Variants in AFG2A observed in about 807,000 individuals in gnomAD.
AFG2A encodes the protein ATPase family gene 2 protein homolog A.
At chr4:123,034,366 T>C in the AFG2A span, among the ~76,000 whole-genome samples, 1 of 152,006 alleles carries the variant, frequency 6.6e-6, no homozygotes, top group Non-Finnish European at 1.5e-5. Flanking sequence ...TCCTGAGTGC[T>C]CATAACCCCT....
the AFG2A span, among the ~76,000 whole-genome samples, chr4:122,992,490 A>G: frequency 6.6e-6 from 1 of 152,246 alleles, no homozygotes; most frequent in African/African-American, 2.4e-5. Flanking sequence ...TACATCTACA[A>G]AAATTTCTCC....
chr4:122,946,897 A>G, the AFG2A span, among the ~76,000 whole-genome samples: 2 of 152,106 alleles, frequency 1.3e-5, no homozygotes, highest in Admixed American at 1.3e-4. Context: ...TATATGGTAC[A>G]TATTATATAT....
chr4:123,316,110 C>CAGA, the AFG2A span: 5 of 152,094 alleles, frequency 3.3e-5, no homozygotes, highest in Non-Finnish European at 5.9e-5. Context: ...AGTCACATCT[C>CAGA]AAATATTTAA....
the AFG2A span, among the ~76,000 whole-genome samples, chr4:123,095,803 T>C: frequency 6.6e-6 from 1 of 152,164 alleles, no homozygotes; most frequent in South Asian, 2.1e-4. Flanking sequence ...TTAAATTAGC[T>C]AGCATATTTT....
the AFG2A span, among the ~76,000 whole-genome samples, chr4:123,091,838 C>T: frequency 3.9e-5 from 6 of 152,158 alleles, no homozygotes; most frequent in African/African-American, 7.2e-5. Flanking sequence ...GCTCTCAGAG[C>T]GTGAACCAGT....
At chr4:123,049,549 A>G in the AFG2A span, among the ~76,000 whole-genome samples, 2 of 151,792 alleles carry the variant, frequency 1.3e-5, no homozygotes, top group South Asian at 2.1e-4. Context: ...TGTTTTTTTC[A>G]TGGTTAAGTC....
chr4:123,130,241 T>C, the AFG2A span, among the ~76,000 whole-genome samples: 2 of 152,128 alleles, frequency 1.3e-5, no homozygotes, highest in Non-Finnish European at 2.9e-5. Context: ...GGTTTCAAAC[T>C]CCTGGCCTCA....
the AFG2A span, among the ~76,000 whole-genome samples, chr4:123,288,488 C>T: frequency 1.3e-5 from 2 of 152,138 alleles, no homozygotes; most frequent in East Asian, 3.9e-4. Context: ...ATGGTGATAG[C>T]ATGTTGAAAG....
At chr4:123,149,891 C>T in the AFG2A span, among the ~76,000 whole-genome samples, 1 of 149,618 alleles carries the variant, frequency 6.7e-6, no homozygotes, top group Non-Finnish European at 1.5e-5. Flanking sequence ...CTGCAACCTC[C>T]GTCTCCTAGG....
At chr4:123,123,785 A>G in the AFG2A span, among the ~76,000 whole-genome samples, 1 of 145,814 alleles carries the variant, frequency 6.9e-6, no homozygotes, top group East Asian at 2.0e-4. Context: ...GTCTCTACTA[A>G]AAAAAAAAAT....
At chr4:122,974,802 G>A in the AFG2A span, among the ~76,000 whole-genome samples, 1 of 151,900 alleles carries the variant, frequency 6.6e-6, no homozygotes. Context: ...CACCACACCC[G>A]GCTAATTTTG....
chr4:123,035,673 A>G, the AFG2A span, among the ~76,000 whole-genome samples: 2 of 152,104 alleles, frequency 1.3e-5, no homozygotes, highest in African/African-American at 4.8e-5. Context: ...TTAAGACTAT[A>G]TATATGTTAT....
At chr4:123,170,413 T>C in the AFG2A span, among the ~76,000 whole-genome samples, 1 of 152,226 alleles carries the variant, frequency 6.6e-6, no homozygotes, top group South Asian at 2.1e-4. Context: ...AAGAAGGAGA[T>C]AAGTATAACA....
chr4:123,250,468 C>T, the AFG2A span, among the ~76,000 whole-genome samples: 13 of 152,218 alleles, frequency 8.5e-5, no homozygotes, highest in African/African-American at 2.2e-4. Context: ...TCATCCAATA[C>T]GATAATTTTT....
chr4:122,942,306 T>G, the AFG2A span, among the ~76,000 whole-genome samples: 1 of 149,662 alleles, frequency 6.7e-6, no homozygotes, highest in African/African-American at 2.5e-5. Flanking sequence ...TGCCACAATT[T>G]CAGATCCTGT....
the AFG2A span, among the ~76,000 whole-genome samples, chr4:123,069,415 T>C: frequency 1.3e-5 from 2 of 152,298 alleles, no homozygotes; most frequent in South Asian, 4.1e-4. Context: ...GATCCTGTAT[T>C]ATCAAGGACA....
the AFG2A span, among the ~76,000 whole-genome samples, chr4:123,214,040 A>C: frequency 6.6e-6 from 1 of 152,130 alleles, no homozygotes; most frequent in African/African-American, 2.4e-5. Context: ...TTATTTATAG[A>C]AGCTATGTGG....
At chr4:123,043,348 G>T in the AFG2A span, among the ~76,000 whole-genome samples, 1 of 151,892 alleles carries the variant, frequency 6.6e-6, no homozygotes, top group Non-Finnish European at 1.5e-5. Flanking sequence ...TCCTTACTTG[G>T]ATTTCACTGA....
chr4:122,978,482 C>G, the AFG2A span, among the ~76,000 whole-genome samples: 2 of 152,130 alleles, frequency 1.3e-5, no homozygotes, highest in African/African-American at 4.8e-5. Context: ...CATGGGCAGG[C>G]CCAGAAAAAG....
Sources: gnomAD v4.1 joint callset for allele counts (sites outside exome capture counted in the v4.1 genomes callset) on GRCh38, gnomAD v4.1.1 for gene constraint, MANE v1.5 for transcripts, NCBI Gene and HGNC (gene_info 2026-07-23, HGNC 2026-07-21) for gene names.